LPXN: variants seen among roughly 807,000 people sequenced by gnomAD.
LPXN encodes the protein leupaxin.
In LPXN, 28 loss-of-function variants were observed where a neutral mutation model predicts 45.6. The observed-to-expected ratio is 0.61, with a 90% CI of 0.45 to 0.84. LPXN has a LOEUF of 0.84. Ranked by LOEUF, LPXN falls within the 40% of genes least tolerant of loss-of-function variation. The pLI is 0.00. For synonymous variants in LPXN, 166 were observed against 169.9 expected (o/e 0.98, Z 0.18); for missense variants, 459 against 475.0 (o/e 0.97, Z 0.31).
chr11:58,557,171 G>A (rs751921793), intron 3 of LPXN, among the ~76,000 whole-genome samples: 1 of 152,110 alleles, frequency 6.6e-6, no homozygotes, highest in Non-Finnish European at 1.5e-5. Flanking sequence ...AATACCACAT[G>A]ACACAGGAAT....
At chr11:58,578,187 AC>A, upstream of LPXN, 1 of 1,135,824 alleles carries the variant, frequency 8.8e-7, no homozygotes, top group Non-Finnish European at 1.2e-6. Context: ...CTCCCATCAG[AC>A]CAGCAATTGG....
chr11:58,557,353 C>T (rs1854235478), intron 3 of LPXN, among the ~76,000 whole-genome samples: 3 of 152,092 alleles, frequency 2.0e-5, no homozygotes, highest in African/African-American at 4.8e-5. Flanking sequence ...GAAATATGCA[C>T]ACATACACAA....
chr11:58,532,920 G>A (rs999891147), intron 7 of LPXN, among the ~76,000 whole-genome samples: 9 of 152,104 alleles, frequency 5.9e-5, no homozygotes, highest in Admixed American at 2.0e-4. Context: ...AACACTCACC[G>A]CGAAGGTCTG....
chr11:58,554,837 T>C lies in LPXN; in HGVS notation c.318+4A>G, dbSNP rs928919824. On this transcript the variant is annotated splice_donor_region_variant and intron_variant, in intron 4 of 8. Transcript: ENST00000395074. The stretch of plus-strand genomic sequence containing the variant: ...GGCCTGCACTCACCTTGGCCTGCAC[T>C]CACCTTGGCCTGCATCTCAGTCAGG... 2 of 1,608,052 alleles carry C rather than the reference T, an allele frequency of 1.2e-6. No individual in the cohort carries two copies. The highest frequency in any genetic ancestry group is 4.5e-5 in the East Asian group (2 of 44,820).
intron 2 of LPXN, among the ~76,000 whole-genome samples, chr11:58,564,731 T>G (rs1268517821): frequency 1.3e-5 from 2 of 152,212 alleles, no homozygotes; most frequent in Admixed American, 6.5e-5. Flanking sequence ...CCCTGAAGCT[T>G]ACATTCTGGT....
chr11:58,527,143 T>A lies in LPXN; in HGVS notation c.*311A>T, dbSNP rs1402713795. The A allele has an allele frequency of 3.9e-6, 1 of 253,512 alleles. No individual in the cohort carries two copies. Among genetic ancestry groups the A allele is most frequent in the Non-Finnish European group, 7.7e-6 (1 of 129,230 alleles). The allele number at this position is 253,512 out of a possible 1,614,324, so 15.7% of individuals were successfully genotyped here. A position where few individuals can be genotyped will look rare whatever the true frequency, so the allele number is the denominator to read the frequency against. On this transcript the variant is annotated 3_prime_UTR_variant, in exon 9 of 9. Transcript: ENST00000395074. ...ATGGAGAAACCTAAGAAAACCAGTG[T>A]TGGCATGAATTATGCAAGTGGAAAA...
At chr11:58,573,133 T>C (rs766502686) in intron 1 of LPXN, among the ~76,000 whole-genome samples, 16 of 151,054 alleles carry the variant, frequency 1.1e-4, no homozygotes, top group Non-Finnish European at 1.5e-4. Context: ...CAATCCCAGC[T>C]ACTCAGGAAG....
intron 3 of LPXN, among the ~76,000 whole-genome samples, 196 bp from the exon 4 acceptor site, chr11:58,555,136 C>T (rs1380841280): frequency 6.6e-6 from 1 of 152,104 alleles, no homozygotes; most frequent in Non-Finnish European, 1.5e-5. Context: ...TGCCTTTTTT[C>T]TCTATTTCTC....
At chr11:58,533,388 T>C (rs1002033477) in intron 7 of LPXN, among the ~76,000 whole-genome samples, 1 of 152,204 alleles carries the variant, frequency 6.6e-6, no homozygotes, top group Non-Finnish European at 1.5e-5. Flanking sequence ...CTTAAAAGCA[T>C]TTTCAACCCA....
chr11:58,540,721 A>C (rs1254397377), intron 7 of LPXN, among the ~76,000 whole-genome samples: 1 of 152,164 alleles, frequency 6.6e-6, no homozygotes, highest in Non-Finnish European at 1.5e-5. Flanking sequence ...TAATACATGA[A>C]ATTTTCACTG....
chr11:58,551,326 A>G (rs1270604477), intron 4 of LPXN, 94 bp from the exon 5 acceptor site: 2 of 1,062,874 alleles, frequency 1.9e-6, no homozygotes, highest in Non-Finnish European at 1.3e-6. Context: ...CTACTGACTG[A>G]TCTCTTGGCC....
At chr11:58,559,483 T>C (rs574883620) in intron 3 of LPXN, among the ~76,000 whole-genome samples, 31 of 152,260 alleles carry the variant, frequency 2.0e-4, no homozygotes, top group Admixed American at 3.3e-4. Context: ...TGCTATAGAA[T>C]AACATGCAAC....
intron 2 of LPXN, among the ~76,000 whole-genome samples, chr11:58,567,479 T>A (rs563192383): frequency 6.6e-6 from 1 of 152,244 alleles, no homozygotes; most frequent in African/African-American, 2.4e-5. Context: ...TCATTAATTA[T>A]TACCAGTTTA....
chr11:58,565,313 C>T (rs373383050), intron 2 of LPXN, among the ~76,000 whole-genome samples: 33 of 152,112 alleles, frequency 2.2e-4, no homozygotes, highest in African/African-American at 8.0e-4. Flanking sequence ...GCAGGCGGAT[C>T]ACGAGGTCAG....
intron 7 of LPXN, among the ~76,000 whole-genome samples, chr11:58,539,639 A>G (rs1284805093): frequency 1.3e-5 from 2 of 152,226 alleles, no homozygotes; most frequent in Non-Finnish European, 2.9e-5. Context: ...CCAAGTATAT[A>G]TAACTCCATG....
At chr11:58,554,531 G>A (rs1854146148) in intron 4 of LPXN, among the ~76,000 whole-genome samples, 1 of 152,048 alleles carries the variant, frequency 6.6e-6, no homozygotes, top group Admixed American at 6.6e-5. Context: ...ACATATGTTT[G>A]CAAAACACCT....
chr11:58,537,084 A>G (rs1409880547), intron 7 of LPXN, among the ~76,000 whole-genome samples: 1 of 126,612 alleles, frequency 7.9e-6, no homozygotes, highest in East Asian at 2.2e-4. Context: ...TAGTTCAACC[A>G]TTGTGGAAGA....
intron 7 of LPXN, among the ~76,000 whole-genome samples, chr11:58,532,444 T>C (rs1853420217): frequency 6.6e-6 from 1 of 152,254 alleles, no homozygotes; most frequent in South Asian, 2.1e-4. Context: ...TATGTCTAGC[T>C]AGAGGATTGT....
rs144458874 is a variant in LPXN at position 58,554,450 on chromosome 11, T to C, written c.318+391A>G. On this transcript the variant is annotated intron_variant, in intron 4 of 8. Coordinates refer to ENST00000395074, the MANE Select transcript of LPXN (RefSeq NM_004811.3). ...CTTTATGTCCAAACTCTGCCAGTTC[T>C]TCAGAGTCCATCCCAAGTTTCAACT... Among the ~76,000 whole-genome samples, 99 of 152,326 alleles carry C rather than the reference T, an allele frequency of 6.5e-4. 1 individual carries two copies. Among genetic ancestry groups the C allele is most frequent in the Middle Eastern group, 3.4e-3 (1 of 294 alleles).
Sources: allele counts gnomAD v4.1 joint callset (sites outside exome capture counted in the v4.1 genomes callset), GRCh38; gene constraint gnomAD v4.1.1; transcripts MANE v1.5; gene names NCBI Gene and HGNC (gene_info 2026-07-23, HGNC 2026-07-21).